Variants in SPTA1 observed in about 807,000 individuals in gnomAD.
The protein encoded by SPTA1 is spectrin alpha chain, erythrocytic 1.
SPTA1 carries 177 observed loss-of-function variants against 324.7 expected under a neutral mutation model. The observed-to-expected ratio is 0.55, with a 90% CI of 0.48 to 0.62. SPTA1 has a LOEUF of 0.62. Ranked by LOEUF, SPTA1 falls within the 20% of genes least tolerant of loss-of-function variation. The pLI, the probability that SPTA1 is intolerant of heterozygous loss-of-function variation, is 0.00. For synonymous variants in SPTA1, 1,195 were observed against 1,041.3 expected (o/e 1.15, Z -2.84); for missense variants, 3,162 against 2,883.6 (o/e 1.10, Z -2.21).
chr1:158,611,292 C>T lies in SPTA1; in HGVS notation c.7232G>A (p.Gly2411Asp). 6.2e-7 allele frequency: 1 copy of T among 1,613,788 alleles called. No homozygotes were observed. The highest frequency in any genetic ancestry group is 8.5e-7 in the Non-Finnish European group (1 of 1,179,804). The change falls in exon 52 of 52, where the codon GGC (glycine) becomes GAC (aspartate). Residue 2411 changes from glycine to aspartate, a missense_variant. Coordinates refer to ENST00000643759, the MANE Select transcript of SPTA1 (RefSeq NM_003126.4). ...RSHLSGYDYVGFTNSYFGN is the reference protein window; with the variant it reads ...RSHLSGYDYVDFTNSYFGN ...GTTGCCAAAGTAGGAATTGGTGAAG[C>T]CAACGTAGTCATAGCCAGAGAGATG...
In SPTA1 at chr1:158,642,980, G is replaced by C. The variant is rs771768489; in HGVS notation, c.4443-4C>G. 4.3e-5 allele frequency: 70 copies of C among 1,613,372 alleles called. No homozygotes were observed. Among genetic ancestry groups the C allele is most frequent in the Non-Finnish European group, 3.1e-5 (37 of 1,179,670 alleles). On this transcript the variant is annotated splice_region_variant and splice_polypyrimidine_tract_variant and intron_variant, in intron 31 of 51. Coordinates refer to ENST00000643759, the MANE Select transcript of SPTA1 (RefSeq NM_003126.4). ...TTGTGCTTTGAGAGCCTTCCACCTA[G>C]AGGACGGAGCCAAATCACTCTATGC...
rs114848117 is a variant in SPTA1, at chr1:158,663,202, G to A, written c.2221-257C>T. Among the ~76,000 whole-genome samples, 922 of 152,246 alleles carry A rather than the reference G, an allele frequency of 6.1e-3. 10 individuals carry two copies. The highest frequency in any genetic ancestry group is 0.021 in the African/African-American group (873 of 41,540). ...CAAAATATTTATAGAATGCTTCAAG[G>A]AAATCAGAAAAATTAGAATTGCAGA... On this transcript the variant is annotated intron_variant, in intron 16 of 51. Transcript: ENST00000643759.
intron 39 of SPTA1, among the ~76,000 whole-genome samples, chr1:158,629,706 A>T (rs148173155): frequency 1.3e-5 from 2 of 152,148 alleles, no homozygotes; most frequent in Admixed American, 6.6e-5. Context: ...GAAAGGAAGA[A>T]GTAAAATTTT....
At chr1:158,650,303 T>C (rs1652327659) in intron 24 of SPTA1, among the ~76,000 whole-genome samples, 1 of 152,220 alleles carries the variant, frequency 6.6e-6, no homozygotes, top group African/African-American at 2.4e-5. Flanking sequence ...TTCTGTATTC[T>C]GAATTGAATA....
intron 51 of SPTA1, 49 bp downstream of exon 51, chr1:158,612,768 A>C (rs1286970300): frequency 6.2e-7 from 1 of 1,611,422 alleles, no homozygotes; most frequent in African/African-American, 1.3e-5. Context: ...AGATGACCAG[A>C]ATTCAAATTA....
At chr1:158,626,072 GAAAT>G (rs2101777595) in intron 42 of SPTA1, 70 bp downstream of exon 42, 2 of 1,390,342 alleles carry the variant, frequency 1.4e-6, no homozygotes, top group African/African-American at 1.4e-5. Flanking sequence ...CCAAAATTCA[GAAAT>G]AAATAATCAT....
chr1:158,639,575 T>A lies in SPTA1; in HGVS notation c.4980+7A>T, dbSNP rs780765802. On this transcript the variant is annotated splice_region_variant and intron_variant, in intron 35 of 51. Coordinates refer to ENST00000643759, the MANE Select transcript of SPTA1 (RefSeq NM_003126.4). ...GCCCAGAGGAGAGGGATGCCAACAC[T>A]ACTTACCTCTCGAGCCAACATCTCT... The A allele has an allele frequency of 1.7e-5, 28 of 1,613,078 alleles. No homozygotes were observed. Among genetic ancestry groups the A allele is most frequent in the Admixed American group, 5.0e-5 (3 of 59,938 alleles).
At chr1:158,638,927 C>A (rs1433148859) in intron 35 of SPTA1, among the ~76,000 whole-genome samples, 3 of 152,036 alleles carry the variant, frequency 2.0e-5, no homozygotes, top group African/African-American at 7.3e-5. Context: ...TTCTTAGCTG[C>A]CCATTGAACA....
In SPTA1 at chr1:158,669,500, A is replaced by T. The variant is rs1653848507; in HGVS notation, c.1741T>A (p.Ser581Thr). ...AATRRRLLKE[S>T]LLLQKLYEDS... ...TCATACAGTTTTTGCAGAAGCAATG[A>T]CTCCTTCAGCAATCTACGTCTAGTG... Residue 581 changes from serine to threonine, a missense_variant, in exon 14 of 52, where the codon TCA becomes ACA. Physicochemically the swap from Ser to Thr is moderately conservative, Grantham distance 58. Transcript: ENST00000643759. 1 of 1,613,830 alleles carries T rather than the reference A, an allele frequency of 6.2e-7. No homozygotes were observed. Among genetic ancestry groups the T allele is most frequent in the Non-Finnish European group, 8.5e-7 (1 of 1,179,982 alleles).
intron 38 of SPTA1, among the ~76,000 whole-genome samples, chr1:158,635,543 G>C (rs1651003305): frequency 1.3e-5 from 2 of 152,110 alleles, no homozygotes. Context: ...TATGGCTATA[G>C]GGAAAAATAA....
chr1:158,626,961 T>C lies in SPTA1; in HGVS notation c.5711A>G (p.Glu1904Gly). 6.2e-7 allele frequency: 1 copy of C among 1,613,912 alleles called. No homozygotes were observed. The highest frequency in any genetic ancestry group is 8.5e-7 in the Non-Finnish European group (1 of 1,179,814). Residue 1904 changes from glutamate (E) to glycine (G), a missense_variant, in exon 41 of 52, where the codon GAG becomes GGG. Glu to Gly is a moderately conservative substitution (Grantham distance 98, BLOSUM62 -2). Coordinates refer to ENST00000643759, the MANE Select transcript of SPTA1 (RefSeq NM_003126.4). ...SQNKEISSKI[E>G]ALNEKTPSLA... ...AGAAGGGGTCTTTTCATTCAGAGCC[T>C]CTATCTTGGAAGAAATCTCTTTGTT...
chr1:158,626,700 C>G lies in SPTA1; in HGVS notation c.5833+139G>C, dbSNP rs188046672. On this transcript the variant is annotated intron_variant, in intron 41 of 51. Coordinates refer to ENST00000643759, the MANE Select transcript of SPTA1 (RefSeq NM_003126.4). ...TGTGTGTGCAAATGTGAGTGTAATT[C>G]TGTCCAGAAAGGATAGGAATGGGTA... 103 of 1,035,822 alleles carry G rather than the reference C, an allele frequency of 9.9e-5. No individual in the cohort carries two copies. The East Asian group carries it at 2.5e-3, about 25-fold the overall frequency. The allele number at this position is 1,035,822 out of a possible 1,614,324, so 64.2% of individuals were successfully genotyped here.
At chr1:158,644,067 G>A (rs1651813706) in intron 30 of SPTA1, among the ~76,000 whole-genome samples, 186 bp downstream of exon 30, 1 of 150,258 alleles carries the variant, frequency 6.7e-6, no homozygotes, top group Admixed American at 6.6e-5. Context: ...AACCCGGGAG[G>A]CAGAGGTTGC....
In SPTA1 at chr1:158,615,416, C is replaced by A. The variant is rs1261291116; in HGVS notation, c.6601-13G>T. On this transcript the variant is annotated splice_polypyrimidine_tract_variant and intron_variant, in intron 47 of 51. Coordinates refer to ENST00000643759, the MANE Select transcript of SPTA1 (RefSeq NM_003126.4). ...CCTTCTGTTTTCTCTGGAAAAACGA[C>A]AGAGAAGAGAGACAATTAGTTGCCC... 1.9e-6 allele frequency: 3 copies of A among 1,613,818 alleles called. No individual in the cohort carries two copies. The South Asian group carries it at 3.3e-5, about 18-fold the overall frequency.
At chr1:158,685,376 C>T (rs1477203657) in intron 1 of SPTA1, 29 bp from the exon 2 acceptor site, 8 of 1,609,336 alleles carry the variant, frequency 5.0e-6, no homozygotes, top group Middle Eastern at 3.3e-4. Flanking sequence ...CTGTTACTTG[C>T]TAGTTCTCAA....
At position 158,686,596 on chromosome 1, in the gene SPTA1, T is replaced by C. The variant is rs1010470426; in HGVS notation, c.-79A>G. 1.8e-6 allele frequency: 2 copies of C among 1,111,680 alleles called. No individual in the cohort carries two copies. The highest frequency in any genetic ancestry group is 1.6e-5 in the African/African-American group (1 of 64,480). The allele number at this position is 1,111,680 out of a possible 1,614,324, so 68.9% of individuals were successfully genotyped here. On this transcript the variant is annotated 5_prime_UTR_variant, in exon 1 of 52. Transcript: ENST00000643759. ...GAGAGAAATAATTCAAATGGAACTG[T>C]CCAGTCGAATTCAAATAGAAATATA... is the stretch of plus-strand genomic sequence containing the variant.
rs1178887683 is a variant in SPTA1 at position 158,652,574 on chromosome 1, C to T, written c.3268G>A (p.Glu1090Lys). 27 of 1,614,140 alleles carry T rather than the reference C, an allele frequency of 1.7e-5. No homozygotes were observed. The highest frequency in any genetic ancestry group is 2.3e-5 in the Non-Finnish European group (27 of 1,180,032). ...QRYNEFLLAY[E>K]AGDMLEWIQE... ...ATCCATTCCAGCATGTCTCCTGCCT[C>T]ATAGGCCAATAAAAATTCATTATAA... Residue 1090 changes from glutamate (E) to lysine (K), a missense_variant, in exon 23 of 52, where the codon GAG becomes AAG. Physicochemically the swap from Glu to Lys is moderately conservative, Grantham distance 56. Coordinates refer to ENST00000643759, the MANE Select transcript of SPTA1 (RefSeq NM_003126.4).
At position 158,671,971 on chromosome 1, in the gene SPTA1, T is replaced by C. The variant is rs374444094; in HGVS notation, c.1488+88A>G. 10 of 1,515,300 alleles carry C rather than the reference T, an allele frequency of 6.6e-6. No homozygotes were observed. In the African/African-American group the frequency reaches 1.4e-4, roughly 21 times the overall value. 93.9% of individuals were successfully genotyped at this position (1,515,300 alleles called of 1,614,324 possible). A position where few individuals can be genotyped will look rare whatever the true frequency, so the allele number is the denominator to read the frequency against. On this transcript the variant is annotated intron_variant, in intron 11 of 51. Coordinates refer to ENST00000643759, the MANE Select transcript of SPTA1 (RefSeq NM_003126.4). ...CAAGACAAGCTCTGACTCACAGGAG[T>C]GGTTGTGAGGGAACTCATGGTAGTC...
intron 8 of SPTA1, among the ~76,000 whole-genome samples, chr1:158,675,061 A>G (rs703117): frequency 0.97 from 147,871 of 152,246 alleles, 71,940 homozygotes; most frequent in East Asian, 1. Flanking sequence ...TAGAATTAGC[A>G]TTAGGATTCC....
Sources: allele counts gnomAD v4.1 joint callset (sites outside exome capture counted in the v4.1 genomes callset), GRCh38; gene constraint gnomAD v4.1.1; transcripts MANE v1.5; gene names NCBI Gene and HGNC (gene_info 2026-07-23, HGNC 2026-07-21).